Variants in GABRE observed in about 807,000 individuals in gnomAD.
GABRE encodes gamma-aminobutyric acid type A receptor subunit epsilon.
A neutral mutation model predicts 31.0 loss-of-function variants in GABRE; 20 were observed. The ratio of observed to expected loss-of-function variants is 0.64; its 90% CI spans 0.45 to 0.94. The LOEUF (loss-of-function observed/expected upper bound fraction) is 0.94. GABRE is among the 40% of genes least tolerant of loss of function. The pLI is 0.00. For missense variants in GABRE, 420 were observed against 410.7 expected, an observed-to-expected ratio of 1.02 and a Z score of -0.20; for synonymous variants, 155 against 150.6, an observed-to-expected ratio of 1.03 and a Z score of -0.21.
At chrX:151,972,853 CTTGAAAAACACTCACACA>C (rs61073386) in intron 1 of GABRE, among the ~76,000 whole-genome samples, 14,246 of 110,056 alleles carry the variant, frequency 0.13, 1,588 homozygotes, top group African/African-American at 0.32. Flanking sequence ...AGAATAAAAA[CTTGAAAAACACTCACACA>C]TTGGAATAGT....
intron 1 of GABRE, chrX:151,972,341 T>C (rs1401006778): frequency 1.3e-6 from 1 of 751,692 alleles, no homozygotes; most frequent in Admixed American, 8.9e-5. Flanking sequence ...CCTCTTTCCC[T>C]GAGGCCAAAC....
intron 3 of GABRE, among the ~76,000 whole-genome samples, chrX:151,964,158 A>T (rs1030031731): frequency 2.7e-5 from 3 of 111,604 alleles, no homozygotes; most frequent in African/African-American, 9.8e-5. Context: ...TTATAATCAA[A>T]GTCTTAAATA....
At chrX:151,972,650 T>C in intron 1 of GABRE, 6 of 752,758 alleles carry the variant, frequency 8.0e-6, no homozygotes, top group Non-Finnish European at 9.4e-6. Context: ...CTAGACTAGG[T>C]CTGCAATAAA....
At position 151,969,679 on chromosome X, in the gene GABRE, A is replaced by T; in HGVS notation, c.332T>A (p.Ile111Asn). The T allele has an allele frequency of 8.3e-7, 1 of 1,210,064 alleles. No homozygotes were observed. Among genetic ancestry groups the T allele is most frequent in the Non-Finnish European group, 1.1e-6 (1 of 894,626 alleles). ...AAGCTTAGTACTCACCATGTCTAGG[A>T]TAGAGAGAGGACCAAGGCTGTTGAC... is the stretch of plus-strand genomic sequence containing the variant. ...ISVNSLGPLS[I>N]LDMEYTIDII... The change falls in exon 3 of 9, where the codon ATC (isoleucine) becomes AAC (asparagine). Residue 111 changes from isoleucine to asparagine, a missense_variant. By Grantham distance (149) the Ile-to-Asn change is moderately radical (BLOSUM62 -3). Transcript: ENST00000370328.
intron 1 of GABRE, chrX:151,971,346 T>C (rs906920801): frequency 3.3e-5 from 10 of 302,839 alleles, no homozygotes; most frequent in African/African-American, 5.4e-5. Flanking sequence ...TTTTTAAAAA[T>C]CAAAATGCCC....
At chrX:151,970,717 C>G (rs973982487) in intron 1 of GABRE, among the ~76,000 whole-genome samples, 1 of 112,210 alleles carries the variant, frequency 8.9e-6, no homozygotes, top group South Asian at 3.7e-4. Flanking sequence ...TATGTCTGAG[C>G]GCTGGCCCAC....
chrX:151,971,940 C>A, intron 1 of GABRE: 1 of 325,529 alleles, frequency 3.1e-6, no homozygotes, highest in Non-Finnish European at 3.9e-6. Context: ...GCTGTATTTC[C>A]TGATCTAGGT....
intron 6 of GABRE, chrX:151,959,030 T>C (rs1220125945): frequency 6.1e-6 from 2 of 329,407 alleles, no homozygotes; most frequent in African/African-American, 5.3e-5. Flanking sequence ...ATCCACATTC[T>C]GGAAACGATG....
rs1327526946 is a variant in GABRE at position 151,953,726 on chromosome X, G to C, written c.*975C>G. ...GTTTATGGGTCCAGGGGTCAAGCAA[G>C]TGATAGAACTCCGACAGTGTGCCCT... On this transcript the variant is annotated 3_prime_UTR_variant, in exon 9 of 9. Coordinates refer to ENST00000370328, the MANE Select transcript of GABRE (RefSeq NM_004961.4). The C allele has an allele frequency of 8.9e-6, 1 of 111,989 alleles. No homozygotes were observed. The highest frequency in any genetic ancestry group is 1.9e-5 in the Non-Finnish European group (1 of 53,265). 9.2% of individuals were successfully genotyped at this position (111,989 alleles called of 1,213,427 possible).
At chrX:151,972,837 C>G (rs146189663) in intron 1 of GABRE, among the ~76,000 whole-genome samples, 1 of 110,515 alleles carries the variant, frequency 9.0e-6, no homozygotes, top group Non-Finnish European at 1.9e-5. Flanking sequence ...ACTTTCGGGG[C>G]TAGACAGAAT....
At chrX:151,957,601 A>C in intron 6 of GABRE, 1 of 266,956 alleles carries the variant, frequency 3.7e-6, no homozygotes, top group Non-Finnish European at 7.1e-6. Flanking sequence ...ATTCTATTTT[A>C]ATTTTATTTA....
At chrX:151,955,133 C>G (rs1397809683) in intron 8 of GABRE, 49 bp from the exon 9 acceptor site, 1 of 1,186,338 alleles carries the variant, frequency 8.4e-7, no homozygotes, top group Non-Finnish European at 1.1e-6. Flanking sequence ...GAAGATAACC[C>G]AAGTCTAAGT....
chrX:151,955,543 G>A lies in GABRE; in HGVS notation c.962C>T (p.Thr321Ile). The A allele has an allele frequency of 8.3e-7, 1 of 1,211,605 alleles. No individual in the cohort carries two copies. The highest frequency in any genetic ancestry group is 1.1e-6 in the Non-Finnish European group (1 of 895,115). ...CTTACGAGAAAAGGTGCCCAACGTG[G>A]TCATGGTCAGAACAGAGGTGATCCC... ...SLGITSVLTM[T>I]TLGTFSRKNF... is the part of the protein sequence containing the mutation. The change falls in exon 8 of 9, where the codon ACC (threonine) becomes ATC (isoleucine). Residue 321 changes from threonine to isoleucine, a missense_variant. Transcript: ENST00000370328.
intron 3 of GABRE, among the ~76,000 whole-genome samples, chrX:151,965,174 T>G (rs1316313828): frequency 7.2e-5 from 8 of 110,399 alleles, no homozygotes; most frequent in Non-Finnish European, 1.3e-4. Context: ...GGGAAAGGAG[T>G]GTTTTGAGTC....
rs1048501535 is a variant in GABRE, at chrX:151,969,997, G to A, written c.274+188C>T. 30 of 1,082,961 alleles carry A rather than the reference G, an allele frequency of 2.8e-5. No homozygotes were observed. In the African/African-American group the frequency reaches 4.5e-4, roughly 16 times the overall value. 89.2% of individuals were successfully genotyped at this position (1,082,961 alleles called of 1,213,427 possible). A position where few individuals can be genotyped will look rare whatever the true frequency, so the allele number is the denominator to read the frequency against. On this transcript the variant is annotated intron_variant, in intron 2 of 8. Coordinates refer to ENST00000370328, the MANE Select transcript of GABRE (RefSeq NM_004961.4). ...TGGAAAAACTGAGGGCGAGAGAAGGGAAAAGTCTTGATCAAGGTCAATGAC... is the reference window on the plus strand; with the variant it reads ...TGGAAAAACTGAGGGCGAGAGAAGGAAAAAGTCTTGATCAAGGTCAATGAC...
Position 151,960,650 on chromosome X carries a change from G to C in GABRE, c.646+633C>G, listed in dbSNP as rs751565117. 5.4e-5 allele frequency among the ~76,000 whole-genome samples: 6 copies of C among 112,142 alleles called. No individual in the cohort carries two copies. In the South Asian group the frequency reaches 2.3e-3, roughly 42 times the overall value. On this transcript the variant is annotated intron_variant, in intron 5 of 8. Coordinates refer to ENST00000370328, the MANE Select transcript of GABRE (RefSeq NM_004961.4). ...CCCAACCTAGGTGACCCTTCAGCTA[G>C]GTCACTCTGGTCCTTCTGTGAGGAC...
Position 151,961,275 on chromosome X carries a change from G to T in GABRE, c.646+8C>A. ...TCTGGGGCCCCAGAAACTTAAGAAG[G>T]TACTCACAGCTAGAGAAAGATAGAG... is the stretch of plus-strand genomic sequence containing the variant. On this transcript the variant is annotated splice_region_variant and intron_variant, in intron 5 of 8. Transcript: ENST00000370328. The T allele has an allele frequency of 1.7e-6, 2 of 1,179,446 alleles. No homozygotes were observed. Among genetic ancestry groups the T allele is most frequent in the East Asian group, 6.0e-5 (2 of 33,567 alleles).
intron 1 of GABRE, among the ~76,000 whole-genome samples, chrX:151,972,919 C>G (rs1487275664): frequency 9.0e-6 from 1 of 110,829 alleles, no homozygotes; most frequent in Non-Finnish European, 1.9e-5. Flanking sequence ...ATTCACATGT[C>G]TCTAGACATA....
At chrX:151,972,547 A>G in intron 1 of GABRE, 3 of 754,042 alleles carry the variant, frequency 4.0e-6, no homozygotes, top group Non-Finnish European at 4.7e-6. Flanking sequence ...TCTGAAATCC[A>G]TGGACGAGAT....
Sources: gnomAD v4.1 joint callset for allele counts (sites outside exome capture counted in the v4.1 genomes callset) on GRCh38, gnomAD v4.1.1 for gene constraint, MANE v1.5 for transcripts, NCBI Gene and HGNC (gene_info 2026-07-23, HGNC 2026-07-21) for gene names.